The following HMGA2 variants were observed in gnomAD, a reference collection of about 807,000 sequenced individuals.
HMGA2 encodes high mobility group protein HMGI-C.
In HMGA2, 8 loss-of-function variants were observed where a neutral mutation model predicts 19.1. The observed-to-expected ratio is 0.42, with a 90% CI of 0.25 to 0.76. The LOEUF (loss-of-function observed/expected upper bound fraction) is 0.76, where lower values mean the gene tolerates loss of function less well. Among genes scored for constraint, HMGA2 ranks in the 30% least tolerant of loss-of-function variants. HMGA2 has a pLI of 0.28. For synonymous variants in HMGA2, 60 were observed against 48.8 expected (o/e 1.23, Z -0.96); for missense variants, 109 against 136.3 (o/e 0.80, Z 1.00).
rs1400716957 is a variant in HMGA2 at position 65,965,660 on chromosome 12, A to T, written c.*2368A>T. On this transcript the variant is annotated 3_prime_UTR_variant, in exon 5 of 5. Transcript: ENST00000403681. ...CTCATAAAAATAAAAGTCGCATTCCATATCTTTGGATGGGCCTTTTAGAAA... is the reference window on the plus strand; with the variant it reads ...CTCATAAAAATAAAAGTCGCATTCCTTATCTTTGGATGGGCCTTTTAGAAA... 2 of 221,686 alleles carry T rather than the reference A, an allele frequency of 9.0e-6. No homozygotes were observed. Among genetic ancestry groups the T allele is most frequent in the Non-Finnish European group, 1.8e-5 (2 of 110,526 alleles). The allele number at this position is 221,686 out of a possible 1,614,324, so 13.7% of individuals were successfully genotyped here.
At chr12:65,915,640 A>G (rs781095800) in intron 3 of HMGA2, 18 of 762,426 alleles carry the variant, frequency 2.4e-5, no homozygotes, top group Non-Finnish European at 2.6e-5. Flanking sequence ...GTAACATTTC[A>G]TTCCCAGCTT....
At chr12:65,952,262 A>T in intron 4 of HMGA2, 1 of 888,308 alleles carries the variant, frequency 1.1e-6, no homozygotes, top group South Asian at 1.5e-5. Flanking sequence ...TGAGCTATCA[A>T]ATTAAGTAGA....
intron 3 of HMGA2, among the ~76,000 whole-genome samples, chr12:65,892,624 C>T (rs773515380): frequency 4.6e-5 from 7 of 152,046 alleles, no homozygotes; most frequent in Non-Finnish European, 7.4e-5. Context: ...GTGACCAAAG[C>T]GAGGGGACCC....
At chr12:65,882,455 A>G (rs1873467220) in intron 3 of HMGA2, among the ~76,000 whole-genome samples, 1 of 152,344 alleles carries the variant, frequency 6.6e-6, no homozygotes. Flanking sequence ...GGGAACTTCT[A>G]GAGAGGCTGC....
At chr12:65,928,087 T>C (rs909071713) in intron 3 of HMGA2, among the ~76,000 whole-genome samples, 1 of 151,952 alleles carries the variant, frequency 6.6e-6, no homozygotes, top group Non-Finnish European at 1.5e-5. Flanking sequence ...CATTGTTGTG[T>C]TAGCATCAAA....
At chr12:65,941,712 C>T (rs1353051798) in intron 3 of HMGA2, among the ~76,000 whole-genome samples, 1 of 152,160 alleles carries the variant, frequency 6.6e-6, no homozygotes, top group Non-Finnish European at 1.5e-5. Context: ...CCATGTGTAA[C>T]TGTTATAGCT....
chr12:65,825,411 GC>G lies in HMGA2; in HGVS notation c.111+33del. ...GTACGAGGGCGCGGTGGGGGCACCA[GC>G]CCACCCCGTCCCCACTGCCGGGGCC... On this transcript the variant is annotated intron_variant, in intron 1 of 4. Transcript: ENST00000403681. The surrounding 1 kb of genome is among the most constrained non-coding windows in gnomAD (Gnocchi z 4.4). 6.9e-7 allele frequency: 1 copy of G among 1,459,124 alleles called. No homozygotes were observed. The allele number at this position is 1,459,124 out of a possible 1,614,324, so 90.4% of individuals were successfully genotyped here.
intron 3 of HMGA2, among the ~76,000 whole-genome samples, chr12:65,911,771 C>T (rs1213562920): frequency 6.6e-6 from 1 of 152,144 alleles, no homozygotes; most frequent in African/African-American, 2.4e-5. Flanking sequence ...GCCCCTTATG[C>T]ACACACAGAA....
At chr12:65,945,231 G>T in intron 3 of HMGA2, among the ~76,000 whole-genome samples, 1 of 148,422 alleles carries the variant, frequency 6.7e-6, no homozygotes. Flanking sequence ...AGGTTCTTAT[G>T]CTTTAAAAAA....
At chr12:65,907,895 C>A (rs1316038527) in intron 3 of HMGA2, among the ~76,000 whole-genome samples, 1 of 152,066 alleles carries the variant, frequency 6.6e-6, no homozygotes, top group Non-Finnish European at 1.5e-5. Flanking sequence ...GACTGTGTGA[C>A]CTAAGTTTCA....
intron 3 of HMGA2, among the ~76,000 whole-genome samples, chr12:65,851,954 G>A (rs187957784): frequency 2.6e-5 from 4 of 152,196 alleles, no homozygotes; most frequent in South Asian, 4.1e-4. Context: ...GATAATAATT[G>A]TCATATCTTC....
At chr12:65,909,151 G>T (rs903175578) in intron 3 of HMGA2, among the ~76,000 whole-genome samples, 1 of 152,102 alleles carries the variant, frequency 6.6e-6, no homozygotes, top group Admixed American at 6.6e-5. Flanking sequence ...TTTAATAACA[G>T]AAAGTACATC....
chr12:65,884,767 C>A (rs894328178), intron 3 of HMGA2, among the ~76,000 whole-genome samples: 3 of 152,132 alleles, frequency 2.0e-5, no homozygotes, highest in African/African-American at 7.2e-5. Flanking sequence ...AGAATCATTA[C>A]CTGTATGAAC....
chr12:65,924,067 A>G (rs1394627471), intron 3 of HMGA2, among the ~76,000 whole-genome samples: 1 of 151,992 alleles, frequency 6.6e-6, no homozygotes, highest in Non-Finnish European at 1.5e-5. Context: ...TCATTCTCTG[A>G]CCCACCCCCA....
intron 4 of HMGA2, chr12:65,955,409 G>A (rs1303869782): frequency 6.6e-6 from 1 of 152,096 alleles, no homozygotes; most frequent in African/African-American, 2.4e-5. Flanking sequence ...CTCCAACTGA[G>A]ATGTCTAAAA....
Position 65,825,476 on chromosome 12 carries a change from C to A in HMGA2, c.111+95C>A. The A allele has an allele frequency of 3.7e-6, 3 of 816,426 alleles. No homozygotes were observed. The highest frequency in any genetic ancestry group is 3.6e-5 in the East Asian group (1 of 28,028). The allele number at this position is 816,426 out of a possible 1,614,324, so 50.6% of individuals were successfully genotyped here. ...GGCGGCCGGAGTGCGGGAGCCCAGT[C>A]GCCGCGGCCGTCGCACACTGCCCGC... On this transcript the variant is annotated intron_variant, in intron 1 of 4. Coordinates refer to ENST00000403681, the MANE Select transcript of HMGA2 (RefSeq NM_003483.6). The surrounding 1 kb of genome is among the most constrained non-coding windows in gnomAD (Gnocchi z 4.4).
At chr12:65,835,709 A>G (rs1315819590) in intron 2 of HMGA2, among the ~76,000 whole-genome samples, 1 of 152,168 alleles carries the variant, frequency 6.6e-6, no homozygotes, top group Non-Finnish European at 1.5e-5. Context: ...TTTCAGAAAA[A>G]AAACCTCTCT....
chr12:65,951,514 A>G, intron 4 of HMGA2, 99 bp downstream of exon 4: 1 of 806,502 alleles, frequency 1.2e-6, no homozygotes, highest in Non-Finnish European at 2.1e-6. Flanking sequence ...GCATTTTCTT[A>G]CTTTTGGTTA....
chr12:65,840,724 C>G (rs1428384085), intron 3 of HMGA2, among the ~76,000 whole-genome samples: 5 of 152,136 alleles, frequency 3.3e-5, no homozygotes, highest in African/African-American at 1.2e-4. Context: ...TACCATTGAA[C>G]TAATTAATAA....
Sources: gnomAD v4.1 joint callset for allele counts (sites outside exome capture counted in the v4.1 genomes callset) on GRCh38, gnomAD v4.1.1 for gene constraint, Gnocchi (gnomAD v3.1) non-coding constraint, MANE v1.5 for transcripts, NCBI Gene and HGNC (gene_info 2026-07-23, HGNC 2026-07-21) for gene names.